The following CA10 variants were observed in gnomAD, a reference collection of about 807,000 sequenced individuals.
CA10 encodes carbonic anhydrase-related protein 10.
CA10 carries 14 observed loss-of-function variants against 44.2 expected under a neutral mutation model. That is an observed-to-expected ratio of 0.32 (90% CI 0.21 to 0.50). The LOEUF (loss-of-function observed/expected upper bound fraction) is 0.50. Among genes scored for constraint, CA10 ranks in the 20% least tolerant of loss-of-function variants. CA10 has a pLI of 0.99. For missense variants in CA10, 350 were observed against 409.7 expected, an observed-to-expected ratio of 0.85 and a Z score of 1.26; for synonymous variants, 159 against 141.6, an observed-to-expected ratio of 1.12 and a Z score of -0.87.
intron 2 of CA10, among the ~76,000 whole-genome samples, chr17:52,048,648 G>A (rs942122069): frequency 6.6e-6 from 1 of 152,024 alleles, no homozygotes; most frequent in Non-Finnish European, 1.5e-5. Flanking sequence ...AGCCCTCAGG[G>A]TGGGGTAGAG....
chr17:51,890,289 A>G (rs996722263), intron 3 of CA10, among the ~76,000 whole-genome samples: 26 of 152,186 alleles, frequency 1.7e-4, no homozygotes, highest in African/African-American at 6.3e-4. Context: ...AAACTGAGTG[A>G]AGACTTCAGA....
intron 2 of CA10, among the ~76,000 whole-genome samples, chr17:52,037,813 A>T (rs779013541): frequency 6.6e-6 from 1 of 152,128 alleles, no homozygotes; most frequent in African/African-American, 2.4e-5. Context: ...CTCAGTGAAG[A>T]ATTCCCTTAA....
chr17:51,972,153 CA>C (rs1257453863), intron 2 of CA10, among the ~76,000 whole-genome samples: 2 of 151,504 alleles, frequency 1.3e-5, no homozygotes, highest in African/African-American at 4.8e-5. Context: ...TTTGGGGAAT[CA>C]AAAAAAGAAC....
At position 51,909,147 on chromosome 17, in the gene CA10, G is replaced by A. The variant is rs967351418; in HGVS notation, c.279+21843C>T. Among the ~76,000 whole-genome samples the A allele has an allele frequency of 8.5e-5, 13 of 152,194 alleles. No homozygotes were observed. In the East Asian group the frequency reaches 1.5e-3, roughly 18 times the overall value. ...ACTATAAATGTGCAGGCACTTCCTC[G>A]TCACAGGTGAGATAGAAGGTGAAAG... On this transcript the variant is annotated intron_variant, in intron 3 of 8. Coordinates refer to ENST00000451037, the MANE Select transcript of CA10 (RefSeq NM_020178.5).
At chr17:51,810,735 C>T (rs964818727) in intron 3 of CA10, among the ~76,000 whole-genome samples, 2 of 152,150 alleles carry the variant, frequency 1.3e-5, no homozygotes, top group African/African-American at 2.4e-5. Flanking sequence ...TAGGGTGACA[C>T]AAGATTGGGG....
intron 3 of CA10, among the ~76,000 whole-genome samples, chr17:51,759,028 G>A (rs1905147492): frequency 6.6e-6 from 1 of 152,142 alleles, no homozygotes; most frequent in Admixed American, 6.5e-5. Context: ...GTTCAGTGTG[G>A]GTTTCTGGTT....
At chr17:51,910,916 G>A (rs1181677717) in intron 3 of CA10, among the ~76,000 whole-genome samples, 2 of 152,112 alleles carry the variant, frequency 1.3e-5, no homozygotes, top group East Asian at 3.9e-4. Flanking sequence ...GTAAGTTATC[G>A]CCTTTCAATT....
intron 2 of CA10, among the ~76,000 whole-genome samples, chr17:51,988,983 A>G (rs1323080337): frequency 6.6e-6 from 1 of 151,982 alleles, no homozygotes; most frequent in Non-Finnish European, 1.5e-5. Context: ...ATTCATATTT[A>G]AGTGCTTGAC....
chr17:51,942,856 G>C (rs1983135629), intron 2 of CA10, among the ~76,000 whole-genome samples: 1 of 152,000 alleles, frequency 6.6e-6, no homozygotes. Flanking sequence ...CTGATTTGAT[G>C]CTACCACCAT....
intron 2 of CA10, among the ~76,000 whole-genome samples, chr17:51,931,618 G>A (rs1291368970): frequency 2.6e-5 from 4 of 152,096 alleles, no homozygotes; most frequent in African/African-American, 4.8e-5. Flanking sequence ...CTAAACTGAG[G>A]GAGTGACTTA....
intron 2 of CA10, among the ~76,000 whole-genome samples, chr17:51,955,354 C>T (rs1983627620): frequency 6.6e-6 from 1 of 152,034 alleles, no homozygotes; most frequent in Non-Finnish European, 1.5e-5. Context: ...GTTATTTCCA[C>T]ATTGTAAAGT....
chr17:51,816,067 C>T (rs550799535), intron 3 of CA10, among the ~76,000 whole-genome samples: 1 of 152,240 alleles, frequency 6.6e-6, no homozygotes, highest in South Asian at 2.1e-4. Context: ...TCCACCTCCC[C>T]CCGGCCCCCT....
At chr17:51,677,130 T>C (rs1914651196) in intron 4 of CA10, among the ~76,000 whole-genome samples, 1 of 152,218 alleles carries the variant, frequency 6.6e-6, no homozygotes, top group African/African-American at 2.4e-5. Context: ...CAAAATGGGT[T>C]AATAATATCT....
intron 3 of CA10, among the ~76,000 whole-genome samples, chr17:51,782,551 CT>C (rs1283122872): frequency 6.6e-6 from 1 of 152,200 alleles, no homozygotes; most frequent in Non-Finnish European, 1.5e-5. Flanking sequence ...GCCAAGCTTG[CT>C]TCTTTCATCT....
At chr17:51,749,408 G>C (rs1431199439) in intron 3 of CA10, among the ~76,000 whole-genome samples, 2 of 152,188 alleles carry the variant, frequency 1.3e-5, no homozygotes, top group Non-Finnish European at 2.9e-5. Flanking sequence ...AAATGAGCCT[G>C]GGCTAGCCTG....
chr17:52,080,034 T>C (rs957666098), intron 1 of CA10, among the ~76,000 whole-genome samples: 1 of 152,206 alleles, frequency 6.6e-6, no homozygotes, highest in African/African-American at 2.4e-5. Context: ...TAGAATCACC[T>C]TGCGTGTTGG....
At chr17:51,670,177 C>T (rs1386491734) in intron 4 of CA10, among the ~76,000 whole-genome samples, 1 of 152,188 alleles carries the variant, frequency 6.6e-6, no homozygotes, top group Non-Finnish European at 1.5e-5. Flanking sequence ...GTCTCAGCAG[C>T]ATGAAAATGG....
chr17:51,922,758 A>G (rs1418801519), intron 3 of CA10, among the ~76,000 whole-genome samples: 2 of 152,100 alleles, frequency 1.3e-5, no homozygotes, highest in Non-Finnish European at 2.9e-5. Flanking sequence ...TTTAATCATG[A>G]TATTTTAAAA....
chr17:51,966,431 G>T (rs1319881707), intron 2 of CA10, among the ~76,000 whole-genome samples: 1 of 151,814 alleles, frequency 6.6e-6, no homozygotes, highest in Non-Finnish European at 1.5e-5. Context: ...AGCAGCCAGA[G>T]GTATCACATT....
Sources: allele counts gnomAD v4.1 joint callset (sites outside exome capture counted in the v4.1 genomes callset), GRCh38; gene constraint gnomAD v4.1.1; transcripts MANE v1.5; gene names NCBI Gene and HGNC (gene_info 2026-07-23, HGNC 2026-07-21).